PCBP3: variants seen among roughly 807,000 people sequenced by gnomAD.
PCBP3 encodes the protein poly(rC) binding protein 3.
A neutral mutation model predicts 52.7 loss-of-function variants in PCBP3; 25 were observed. That is an observed-to-expected ratio of 0.47 (90% CI 0.35 to 0.66). PCBP3 has a LOEUF of 0.66. PCBP3 is among the 30% of genes least tolerant of loss of function. The probability of loss-of-function intolerance (pLI) is 0.01; values close to 1 mark genes in which losing one functional copy is unlikely to be tolerated. For synonymous variants in PCBP3, 162 were observed against 183.0 expected, an observed-to-expected ratio of 0.89 and a Z score of 0.93; for missense variants, 391 against 490.3, an observed-to-expected ratio of 0.80 and a Z score of 1.91.
At chr21:45,862,495 T>G (rs747679093) in intron 5 of PCBP3, among the ~76,000 whole-genome samples, 4 of 152,240 alleles carry the variant, frequency 2.6e-5, no homozygotes, top group Non-Finnish European at 5.9e-5. Flanking sequence ...GATCTCAAGA[T>G]AACACATATC....
intron 2 of PCBP3, among the ~76,000 whole-genome samples, chr21:45,713,457 A>G (rs1603304924): frequency 6.6e-6 from 1 of 152,154 alleles, no homozygotes; most frequent in Admixed American, 6.5e-5. Context: ...CCATACAGAC[A>G]CACCTCGTCT....
At chr21:45,893,544 G>A (rs939314213) in intron 5 of PCBP3, among the ~76,000 whole-genome samples, 1 of 152,122 alleles carries the variant, frequency 6.6e-6, no homozygotes, top group African/African-American at 2.4e-5. Flanking sequence ...TGCAGATGGT[G>A]GTCCACAGAC....
chr21:45,726,603 A>G (rs993043063), intron 2 of PCBP3, among the ~76,000 whole-genome samples: 2 of 152,086 alleles, frequency 1.3e-5, no homozygotes, highest in African/African-American at 2.4e-5. Flanking sequence ...AGGCCTGTCC[A>G]TCTGTCCCTG....
At chr21:45,722,952 T>A (rs1350407559) in intron 2 of PCBP3, among the ~76,000 whole-genome samples, 1 of 151,414 alleles carries the variant, frequency 6.6e-6, no homozygotes, top group African/African-American at 2.4e-5. Flanking sequence ...AGGTGGAGGT[T>A]GCAGTGAGCT....
chr21:45,692,396 T>TA (rs148364663), intron 2 of PCBP3, among the ~76,000 whole-genome samples: 98 of 128,568 alleles, frequency 7.6e-4, no homozygotes, highest in African/African-American at 1.5e-3. Flanking sequence ...ATGATCAAGA[T>TA]AAAAAAAAAA....
chr21:45,679,079 T>A (rs1404527059), intron 2 of PCBP3, among the ~76,000 whole-genome samples: 3 of 24,568 alleles, frequency 1.2e-4, no homozygotes, highest in African/African-American at 6.0e-4. Context: ...ATTGTTAGCA[T>A]TTTTTTTTTT....
In PCBP3 at chr21:45,737,216, G is replaced by T. The variant is rs528478587; in HGVS notation, c.-162+1787G>T. ...AGTCCACGTGGCGTCGGGGCTGAGAGGAGCCCACAGCAGGGTGGGTGTGGG... is the reference window on the plus strand; with the variant it reads ...AGTCCACGTGGCGTCGGGGCTGAGATGAGCCCACAGCAGGGTGGGTGTGGG... On this transcript the variant is annotated intron_variant, in intron 3 of 17. Coordinates refer to ENST00000681687, the MANE Select transcript of PCBP3 (RefSeq NM_001384156.1). This position sits in a 1 kb window ranked among gnomAD's most constrained non-coding sequence, Gnocchi z 4.9. Among the ~76,000 whole-genome samples the T allele has an allele frequency of 3.9e-5, 6 of 152,278 alleles. 1 individual carries two copies. The South Asian group carries it at 1.0e-3, about 26-fold the overall frequency.
intron 16 of PCBP3, among the ~76,000 whole-genome samples, chr21:45,936,369 C>G (rs184257264): frequency 6.6e-6 from 1 of 152,332 alleles, no homozygotes; most frequent in East Asian, 1.9e-4. Flanking sequence ...TCTTCTATCC[C>G]GGTTGCTGGT....
intron 4 of PCBP3, among the ~76,000 whole-genome samples, chr21:45,839,746 G>A (rs1339820870): frequency 6.6e-6 from 1 of 152,156 alleles, no homozygotes; most frequent in African/African-American, 2.4e-5. Flanking sequence ...GAGGGCAGTG[G>A]TACGAACTCG....
intron 2 of PCBP3, among the ~76,000 whole-genome samples, chr21:45,683,257 A>C (rs990053638): frequency 6.6e-6 from 1 of 152,196 alleles, no homozygotes; most frequent in Non-Finnish European, 1.5e-5. Flanking sequence ...TTGGTGGAGT[A>C]ATAGGGCAAA....
chr21:45,749,722 G>A (rs2087241821), intron 3 of PCBP3: 2 of 152,334 alleles, frequency 1.3e-5, no homozygotes, highest in Non-Finnish European at 2.9e-5. Flanking sequence ...TCAAGAGGGT[G>A]ATTCAGAGGA....
At chr21:45,725,381 C>T (rs1232255291) in intron 2 of PCBP3, among the ~76,000 whole-genome samples, 1 of 152,198 alleles carries the variant, frequency 6.6e-6, no homozygotes, top group Non-Finnish European at 1.5e-5. Flanking sequence ...TAAATCTTAA[C>T]TTCATTCTGT....
At chr21:45,754,639 G>T (rs2087861077) in intron 3 of PCBP3, among the ~76,000 whole-genome samples, 1 of 152,166 alleles carries the variant, frequency 6.6e-6, no homozygotes, top group African/African-American at 2.4e-5. Flanking sequence ...AATTGCCTGT[G>T]TATCCCACAT....
chr21:45,746,997 G>A (rs896455697), intron 3 of PCBP3, among the ~76,000 whole-genome samples: 1 of 151,330 alleles, frequency 6.6e-6, no homozygotes, highest in Non-Finnish European at 1.5e-5. Flanking sequence ...TAGCGCACAC[G>A]GTGTTGTCAG....
intron 4 of PCBP3, among the ~76,000 whole-genome samples, chr21:45,823,620 C>T (rs1441839202): frequency 5.3e-5 from 8 of 152,000 alleles, no homozygotes; most frequent in African/African-American, 1.5e-4. Flanking sequence ...AAGGGGTGGC[C>T]GACGGGTTCC....
At chr21:45,843,098 T>G (rs1345008197) in intron 4 of PCBP3, among the ~76,000 whole-genome samples, 1 of 151,922 alleles carries the variant, frequency 6.6e-6, no homozygotes, top group Non-Finnish European at 1.5e-5. Context: ...CTCACCGCTG[T>G]GTCATTCTCC....
chr21:45,771,497 A>G (rs9980009), intron 4 of PCBP3, among the ~76,000 whole-genome samples: 4,073 of 152,342 alleles, frequency 0.027, 187 homozygotes, highest in African/African-American at 0.093. Context: ...CACCGTCTTA[A>G]CAAACTAAAA....
intron 4 of PCBP3, among the ~76,000 whole-genome samples, chr21:45,842,932 C>T (rs2093728735): frequency 6.6e-6 from 1 of 152,214 alleles, no homozygotes; most frequent in African/African-American, 2.4e-5. Flanking sequence ...CCTCCTTTCC[C>T]ATCCCTTTCC....
intron 4 of PCBP3, among the ~76,000 whole-genome samples, chr21:45,785,306 C>T (rs533063711): frequency 0.014 from 2,052 of 150,550 alleles, 46 homozygotes; most frequent in African/African-American, 0.048. Context: ...GTCAGCCCCC[C>T]GCCCGGCCAG....
Sources: gnomAD v4.1 joint callset for allele counts (sites outside exome capture counted in the v4.1 genomes callset) on GRCh38, gnomAD v4.1.1 for gene constraint, Gnocchi (gnomAD v3.1) non-coding constraint, MANE v1.5 for transcripts, NCBI Gene and HGNC (gene_info 2026-07-23, HGNC 2026-07-21) for gene names.